RAB37: variants seen among roughly 807,000 people sequenced by gnomAD.
The protein encoded by RAB37 is ras-related protein Rab-37.
RAB37 carries 29 observed loss-of-function variants against 33.1 expected under a neutral mutation model. That is an observed-to-expected ratio of 0.88 (90% CI 0.65 to 1.20). The LOEUF is 1.20. Ranked by LOEUF, RAB37 falls within the 50% of genes most tolerant of loss-of-function variation. The pLI, the probability that RAB37 is intolerant of heterozygous loss-of-function variation, is 0.00. For synonymous variants in RAB37, 128 were observed against 119.5 expected (o/e 1.07, Z -0.47); for missense variants, 299 against 301.1 (o/e 0.99, Z 0.05).
At chr17:74,734,529 C>G (rs1284857156), upstream of RAB37, among the ~76,000 whole-genome samples, 1 of 152,166 alleles carries the variant, frequency 6.6e-6, no homozygotes, top group Non-Finnish European at 1.5e-5. Flanking sequence ...TCTTCCTCCA[C>G]CATTTCCCTC....
intron 1 of RAB37, among the ~76,000 whole-genome samples, chr17:74,675,960 C>A (rs1256596997): frequency 6.6e-6 from 1 of 152,066 alleles, no homozygotes; most frequent in African/African-American, 2.4e-5. Context: ...AAATTTGGTG[C>A]AGCTAAATAA....
intron 1 of RAB37, among the ~76,000 whole-genome samples, chr17:74,703,469 C>T (rs918144107): frequency 3.9e-5 from 6 of 152,184 alleles, no homozygotes; most frequent in African/African-American, 1.4e-4. Context: ...TCTCCACCCC[C>T]AGCCCTATTT....
chr17:74,743,889 A>C (rs1483386624), intron 5 of RAB37, among the ~76,000 whole-genome samples: 1 of 152,196 alleles, frequency 6.6e-6, no homozygotes, highest in African/African-American at 2.4e-5. Context: ...ATATAGAAAG[A>C]GGAAAATCCA....
At chr17:74,700,787 T>G (rs1424979034) in intron 1 of RAB37, among the ~76,000 whole-genome samples, 2 of 152,146 alleles carry the variant, frequency 1.3e-5, no homozygotes, top group Non-Finnish European at 2.9e-5. Flanking sequence ...TGTTGTGGGC[T>G]GGGCTGGATT....
intron 1 of RAB37, among the ~76,000 whole-genome samples, chr17:74,700,761 A>G (rs2032974694): frequency 6.6e-6 from 1 of 152,076 alleles, no homozygotes; most frequent in Non-Finnish European, 1.5e-5. Context: ...CAAAACAAAC[A>G]AACAACAAAA....
At position 74,744,625 on chromosome 17, in the gene RAB37, C is replaced by T. The variant is rs567274050; in HGVS notation, c.433-248C>T. 11 of 623,074 alleles carry T rather than the reference C, an allele frequency of 1.8e-5. No individual in the cohort carries two copies. The highest frequency in any genetic ancestry group is 1.1e-4 in the African/African-American group (6 of 54,462). 38.6% of individuals were successfully genotyped at this position (623,074 alleles called of 1,614,324 possible). A position where few individuals can be genotyped will look rare whatever the true frequency, so the allele number is the denominator to read the frequency against. On this transcript the variant is annotated intron_variant, in intron 6 of 8. Transcript: ENST00000392613. The surrounding 1 kb of genome is among the most constrained non-coding windows in gnomAD (Gnocchi z 4.2). ...CCATTAGAGCAGAGTGAACAGGGTC[C>T]CAGGTCAGGGGCTAAGAGTGCAAAG...
At chr17:74,677,758 G>A (rs1167336044) in intron 1 of RAB37, among the ~76,000 whole-genome samples, 1 of 152,118 alleles carries the variant, frequency 6.6e-6, no homozygotes, top group East Asian at 1.9e-4. Flanking sequence ...GCTGGTGTGG[G>A]GAGTGGTGGT....
At chr17:74,733,928 T>C (rs1325501630), upstream of RAB37, among the ~76,000 whole-genome samples, 1 of 152,092 alleles carries the variant, frequency 6.6e-6, no homozygotes, top group Non-Finnish European at 1.5e-5. Context: ...CCTCTCCCCA[T>C]GTTCAAAGAC....
upstream of RAB37, among the ~76,000 whole-genome samples, chr17:74,732,722 G>GTGTGGTGTGACGTA (rs2034406447): frequency 1.7e-5 from 1 of 60,516 alleles, no homozygotes; most frequent in African/African-American, 5.7e-5. Context: ...GGTGTGACGT[G>GTGTGGTGTGACGTA]TGTGGTGTGA....
upstream of RAB37, among the ~76,000 whole-genome samples, chr17:74,734,566 G>T (rs2034437898): frequency 6.6e-6 from 1 of 152,148 alleles, no homozygotes; most frequent in African/African-American, 2.4e-5. Flanking sequence ...CATCCTGGCT[G>T]GGCACAGTGG....
intron 1 of RAB37, among the ~76,000 whole-genome samples, chr17:74,724,255 G>A (rs557148289): frequency 2.6e-5 from 4 of 152,186 alleles, no homozygotes; most frequent in Non-Finnish European, 5.9e-5. Flanking sequence ...CTGGAAAGGC[G>A]GGACAACTCA....
chr17:74,710,704 C>CAA (rs1419997102), intron 1 of RAB37, among the ~76,000 whole-genome samples: 115 of 139,618 alleles, frequency 8.2e-4, no homozygotes, highest in Admixed American at 2.1e-3. Context: ...ACTAAAAATA[C>CAA]GAAAAAAAAA....
intron 1 of RAB37, among the ~76,000 whole-genome samples, chr17:74,680,644 C>A (rs1324381147): frequency 6.6e-6 from 1 of 152,076 alleles, no homozygotes; most frequent in Non-Finnish European, 1.5e-5. Flanking sequence ...ACCTCTGCCT[C>A]CCTCAGCTGT....
At position 74,671,672 on chromosome 17, in the gene RAB37, G is replaced by A. The variant is rs1022385639; in HGVS notation, c.72+14G>A. 5.0e-6 allele frequency: 8 copies of A among 1,612,976 alleles called. No individual in the cohort carries two copies. The African/African-American group carries it at 5.3e-5, about 11-fold the overall frequency. On this transcript the variant is annotated intron_variant, in intron 1 of 7. Coordinates refer to the RAB37 transcript ENST00000340415. This position sits in a 1 kb window ranked among gnomAD's most constrained non-coding sequence, Gnocchi z 5.0. The stretch of plus-strand genomic sequence containing the variant: ...GTCCTGCATAAGGTAAACATCTCCT[G>A]TATTCCTCAACCTAACGTTGGAAGA...
chr17:74,743,055 G>A, intron 3 of RAB37, 74 bp from the exon 4 acceptor site: 3 of 1,355,308 alleles, frequency 2.2e-6, no homozygotes, highest in Non-Finnish European at 3.1e-6. Context: ...ATACAACAAA[G>A]CAGGCCTGCT....
At chr17:74,679,060 G>A (rs1320995776) in intron 1 of RAB37, among the ~76,000 whole-genome samples, 17 of 150,928 alleles carry the variant, frequency 1.1e-4, no homozygotes, top group Non-Finnish European at 8.8e-5. Flanking sequence ...GCAGTGAGCC[G>A]AGATCGCACC....
chr17:74,740,728 C>T, intron 1 of RAB37, 40 bp from the exon 2 acceptor site: 3 of 1,370,078 alleles, frequency 2.2e-6, no homozygotes, highest in South Asian at 1.2e-5. Context: ...CAGAAGCTGC[C>T]CCTGACTCCC....
chr17:74,744,249 G>C lies in RAB37; in HGVS notation c.367-59G>C. On this transcript the variant is annotated intron_variant, in intron 5 of 8. Transcript: ENST00000392613. The surrounding 1 kb of genome is among the most constrained non-coding windows in gnomAD (Gnocchi z 4.2). ...TAACTGAGGATAGTCAAACGGAGCA[G>C]AAGAAGAAAGGGGCAGCAGGAGGAA... The C allele has an allele frequency of 1.3e-6, 2 of 1,521,308 alleles. No individual in the cohort carries two copies. Among genetic ancestry groups the C allele is most frequent in the Non-Finnish European group, 9.1e-7 (1 of 1,104,972 alleles). 94.2% of individuals were successfully genotyped at this position (1,521,308 alleles called of 1,614,324 possible). A position where few individuals can be genotyped will look rare whatever the true frequency, so the allele number is the denominator to read the frequency against.
intron 1 of RAB37, chr17:74,705,235 G>C (rs1281894436): frequency 1.4e-6 from 1 of 702,278 alleles, no homozygotes; most frequent in Non-Finnish European, 2.6e-6. Flanking sequence ...CCCTCATGAG[G>C]TCGAGCTGAG....
Sources: allele counts gnomAD v4.1 joint callset (sites outside exome capture counted in the v4.1 genomes callset), GRCh38; gene constraint gnomAD v4.1.1; non-coding constraint Gnocchi (gnomAD v3.1); transcripts MANE v1.5; gene names NCBI Gene and HGNC (gene_info 2026-07-23, HGNC 2026-07-21).